The following NUB1 variants were observed in gnomAD, a reference collection of about 807,000 sequenced individuals.
NUB1 encodes the protein NEDD8 ultimate buster 1.
In NUB1, 41 loss-of-function variants were observed where a neutral mutation model predicts 77.1. The observed-to-expected ratio is 0.53, with a 90% confidence interval of 0.41 to 0.69. The LOEUF (loss-of-function observed/expected upper bound fraction) is 0.69. NUB1 is among the 30% of genes least tolerant of loss of function. The probability of loss-of-function intolerance (pLI) is 0.00; values close to 1 mark genes in which losing one functional copy is unlikely to be tolerated. For missense variants in NUB1, 643 were observed against 743.8 expected (o/e 0.86, Z 1.58); for synonymous variants, 257 against 281.0 (o/e 0.91, Z 0.85).
At position 151,373,104 on chromosome 7, in the gene NUB1, G is replaced by A. The variant is rs1798036328; in HGVS notation, c.1249-993G>A. ...TGCTGTGGGGAAAATGCAGGGAGGC[G>A]CCTGTTGCCTGGGCTGGGCAGGAGG... On this transcript the variant is annotated intron_variant, in intron 11 of 14. Transcript: ENST00000568733. 2.6e-5 allele frequency among the ~76,000 whole-genome samples: 4 copies of A among 152,172 alleles called. No individual in the cohort carries two copies. In the South Asian group the frequency reaches 6.2e-4, roughly 24 times the overall value.
chr7:151,359,207 G>A (rs962849941), intron 7 of NUB1, among the ~76,000 whole-genome samples: 2 of 151,610 alleles, frequency 1.3e-5, no homozygotes, highest in African/African-American at 4.8e-5. Flanking sequence ...GGGAGGCCGA[G>A]GCGGGCAGAT....
chr7:151,370,876 G>C (rs905556343), intron 11 of NUB1, among the ~76,000 whole-genome samples: 2 of 152,088 alleles, frequency 1.3e-5, no homozygotes, highest in African/African-American at 4.8e-5. Flanking sequence ...TTTAAAATGA[G>C]ATCATTTGGA....
chr7:151,349,318 A>C (rs1796678644), intron 3 of NUB1, 78 bp downstream of exon 3: 2 of 1,216,348 alleles, frequency 1.6e-6, no homozygotes, highest in South Asian at 1.4e-5. Flanking sequence ...GTTGTTTGGA[A>C]AGTTACAATC....
intron 2 of NUB1, among the ~76,000 whole-genome samples, 193 bp from the exon 3 acceptor site, chr7:151,348,880 T>C (rs1238801036): frequency 6.6e-6 from 1 of 152,186 alleles, no homozygotes; most frequent in Non-Finnish European, 1.5e-5. Flanking sequence ...CAGTCTCAAA[T>C]AAGTGTTTTC....
At position 151,377,074 on chromosome 7, in the gene NUB1, A is replaced by AGGAGG; in HGVS notation, c.1697_1698insGGAGG (p.Asp566GlufsTer42). On this transcript the variant is annotated frameshift_variant, in exon 15 of 15. Coordinates refer to ENST00000568733, the MANE Select transcript of NUB1 (RefSeq NM_001243351.2). LOFTEE classifies it high-confidence loss of function. ...ACCTCTAGTGCCTCAACAGACGAAG[A>AGGAGG]CATGGAGACAGAGGCCGTCAATGAG... 2 of 1,568,934 alleles carry AGGAGG rather than the reference A, an allele frequency of 1.3e-6. No individual in the cohort carries two copies. The highest frequency in any genetic ancestry group is 1.7e-6 in the Non-Finnish European group (2 of 1,159,344).
At chr7:151,375,763 G>A in intron 12 of NUB1, 85 bp from the exon 13 acceptor site, 1 of 905,522 alleles carries the variant, frequency 1.1e-6, no homozygotes. Flanking sequence ...GGCGGGGTCT[G>A]CCTAGCACAT....
chr7:151,376,992 T>C (rs1159015042), intron 14 of NUB1, 55 bp from the exon 15 acceptor site: 6 of 1,457,452 alleles, frequency 4.1e-6, no homozygotes, highest in African/African-American at 2.8e-5. Context: ...GGTCGTGCAG[T>C]GTCCCCAGGA....
intron 5 of NUB1, among the ~76,000 whole-genome samples, chr7:151,354,314 C>T (rs953284822): frequency 2.7e-4 from 41 of 150,438 alleles, no homozygotes; most frequent in Non-Finnish European, 4.9e-4. Flanking sequence ...GACCTCCCCC[C>T]ACCCTTGCTT....
rs1266552568 is a variant in NUB1, at chr7:151,355,947, A to T, written c.595A>T (p.Arg199Ter). Residue 199 changes from arginine to a stop codon, truncating the protein, a stop_gained, in exon 6 of 15, where the codon AGA (arginine) becomes TGA (stop). Transcript: ENST00000568733. LOFTEE classifies it high-confidence loss of function. ...TKRGLEILAK[R>*]AAETVVDPEM... ...GAGAGGACTAGAAATACTGGCAAAG[A>T]GAGGTACCCAGAGCTCTGGGCTTGT... The T allele has an allele frequency of 6.2e-7, 1 of 1,613,600 alleles. No individual in the cohort carries two copies. The highest frequency in any genetic ancestry group is 8.5e-7 in the Non-Finnish European group (1 of 1,179,764).
chr7:151,348,494 CTAT>C (rs1257467906), intron 2 of NUB1, among the ~76,000 whole-genome samples: 1 of 143,962 alleles, frequency 6.9e-6, no homozygotes, highest in East Asian at 2.1e-4. Context: ...AGAAGATTCT[CTAT>C]TATTATTATT....
chr7:151,354,473 ATTAT>A (rs758741209), intron 5 of NUB1, among the ~76,000 whole-genome samples: 5 of 151,990 alleles, frequency 3.3e-5, no homozygotes, highest in South Asian at 2.1e-4. Context: ...AGTTCACAAT[ATTAT>A]TTGTTATTTT....
At chr7:151,375,498 A>G (rs188866555) in intron 12 of NUB1, among the ~76,000 whole-genome samples, 224 of 152,352 alleles carry the variant, frequency 1.5e-3, no homozygotes, top group African/African-American at 4.7e-3. Flanking sequence ...TCTAGAGGGC[A>G]TGACGCTTTC....
intron 8 of NUB1, among the ~76,000 whole-genome samples, chr7:151,364,086 G>A (rs550892492): frequency 2.3e-4 from 35 of 150,106 alleles, no homozygotes; most frequent in Admixed American, 1.7e-3. Flanking sequence ...GAGCCACCGC[G>A]CCTGGCCTAA....
chr7:151,351,585 A>G lies in NUB1; in HGVS notation c.344+103A>G, dbSNP rs917490272. The G allele has an allele frequency of 5.1e-4, 396 of 777,786 alleles. 1 individual carries two copies. The highest frequency in any genetic ancestry group is 1.1e-4 in the Non-Finnish European group (51 of 481,606). The allele number at this position is 777,786 out of a possible 1,614,324, so 48.2% of individuals were successfully genotyped here. ...TCTTAAGATAGGTAGGGCAGGTATT[A>G]TCTTCATTTTATAAAAGAGAAAATT... On this transcript the variant is annotated intron_variant, in intron 4 of 14. Transcript: ENST00000568733.
chr7:151,349,044 G>A, intron 2 of NUB1, 29 bp from the exon 3 acceptor site: 2 of 1,576,140 alleles, frequency 1.3e-6, no homozygotes, highest in East Asian at 2.3e-5. Context: ...TTTTAAGTCA[G>A]TATTGCATTT....
chr7:151,342,044 C>A, intron 1 of NUB1, 198 bp downstream of exon 1: 1 of 991,932 alleles, frequency 1.0e-6, no homozygotes, highest in Non-Finnish European at 1.3e-6. Context: ...GACGCGCTGG[C>A]CGTTCGGGGC....
chr7:151,373,096 A>T (rs948921029), intron 11 of NUB1, among the ~76,000 whole-genome samples: 1 of 152,144 alleles, frequency 6.6e-6, no homozygotes, highest in African/African-American at 2.4e-5. Context: ...GGGAAAATGC[A>T]GGGAGGCGCC....
At chr7:151,354,461 T>C (rs1796966241) in intron 5 of NUB1, among the ~76,000 whole-genome samples, 1 of 152,222 alleles carries the variant, frequency 6.6e-6, no homozygotes, top group African/African-American at 2.4e-5. Context: ...TTTGTGTTTT[T>C]TAGTTCACAA....
intron 9 of NUB1, 96 bp from the exon 10 acceptor site, chr7:151,367,765 G>T: frequency 1.4e-6 from 1 of 739,756 alleles, no homozygotes; most frequent in Non-Finnish European, 2.2e-6. Context: ...CTATCATGTT[G>T]CCCCTCTGGA....
Sources: allele counts gnomAD v4.1 joint callset (sites outside exome capture counted in the v4.1 genomes callset), GRCh38; gene constraint gnomAD v4.1.1; transcripts MANE v1.5; gene names NCBI Gene and HGNC (gene_info 2026-07-23, HGNC 2026-07-21).